The following EDRF1 variants were observed in gnomAD, a reference collection of about 807,000 sequenced individuals.
EDRF1 encodes the protein erythroid differentiation-related factor 1.
EDRF1 carries 69 observed loss-of-function variants against 148.7 expected under a neutral mutation model. The observed-to-expected ratio is 0.46, with a 90% CI of 0.38 to 0.57. The LOEUF (loss-of-function observed/expected upper bound fraction) is 0.57. Ranked by LOEUF, EDRF1 falls within the 20% of genes least tolerant of loss-of-function variation. EDRF1 has a pLI of 0.00. For synonymous variants in EDRF1, 515 were observed against 532.8 expected (o/e 0.97, Z 0.46); for missense variants, 1,118 against 1,478.7 (o/e 0.76, Z 4.00).
intron 24 of EDRF1, chr10:125,761,122 TAAAC>T (rs1489069225): frequency 1.1e-5 from 3 of 275,402 alleles, no homozygotes; most frequent in African/African-American, 6.9e-5. Context: ...GGCAAAAAAA[TAAAC>T]AAGGCTTAAT....
chr10:125,751,782 C>CA (rs1378724781), intron 22 of EDRF1: 4 of 152,202 alleles, frequency 2.6e-5, no homozygotes, highest in Non-Finnish European at 5.9e-5. Context: ...CTTACAGCCA[C>CA]AATTTCTTAA....
At chr10:125,728,965 G>C (rs773932224) in intron 6 of EDRF1, 38 bp from the exon 7 acceptor site, 1 of 1,475,436 alleles carries the variant, frequency 6.8e-7, no homozygotes, top group South Asian at 1.3e-5. Flanking sequence ...AAGAAATGTT[G>C]ACAGCAGAAT....
chr10:125,756,903 C>T lies in EDRF1; in HGVS notation c.3545+3058C>T, dbSNP rs1234487207. On this transcript the variant is annotated intron_variant, in intron 24 of 24. Transcript: ENST00000356792. ...TCATAGCTCACTGCAGCCCCAACTTCCTGGGCTCAAGCAATCCCCCACCTC... is the reference window on the plus strand; with the variant it reads ...TCATAGCTCACTGCAGCCCCAACTTTCTGGGCTCAAGCAATCCCCCACCTC... The T allele has an allele frequency of 9.8e-6, 4 of 408,656 alleles. 1 individual carries two copies. Among genetic ancestry groups the T allele is most frequent in the Admixed American group, 8.6e-5 (3 of 34,716 alleles). 25.3% of individuals were successfully genotyped at this position (408,656 alleles called of 1,614,324 possible).
At chr10:125,741,295 G>C in intron 17 of EDRF1, 94 bp downstream of exon 17, 1 of 1,128,146 alleles carries the variant, frequency 8.9e-7, no homozygotes, top group Non-Finnish European at 1.3e-6. Context: ...AGAAATATTA[G>C]AGTTTTGATA....
In EDRF1 at chr10:125,721,361, C is replaced by G; in HGVS notation, c.266C>G (p.Pro89Arg). 2 of 1,614,150 alleles carry G rather than the reference C, an allele frequency of 1.2e-6. No homozygotes were observed. Among genetic ancestry groups the G allele is most frequent in the Non-Finnish European group, 1.7e-6 (2 of 1,180,028 alleles). ...NWLRESAKLG[P>R]AGTTILGNSK... is the part of the protein sequence containing the mutation. The stretch of plus-strand genomic sequence containing the variant: ...TTACGAGAGAGTGCCAAACTAGGGC[C>G]AGCAGGAACTACCATTCTTGGCAAC... The change falls in exon 2 of 25, where the codon CCA (proline) becomes CGA (arginine). Residue 89 changes from proline to arginine, a missense_variant. By Grantham distance (103) the Pro-to-Arg change is moderately radical. This residue lies in a region of EDRF1 where 99 missense variants were observed against 186.9 expected (regional missense o/e 0.53). Transcript: ENST00000356792.
intron 12 of EDRF1, among the ~76,000 whole-genome samples, chr10:125,735,129 A>G (rs1215378104): frequency 6.6e-6 from 1 of 152,156 alleles, no homozygotes; most frequent in Non-Finnish European, 1.5e-5. Flanking sequence ...GAATGGGTTA[A>G]ATGGTCATAT....
intron 8 of EDRF1, 65 bp downstream of exon 8, chr10:125,729,544 T>C (rs2133685468): frequency 6.3e-7 from 1 of 1,597,166 alleles, no homozygotes; most frequent in South Asian, 1.1e-5. Flanking sequence ...GAATCAGTGT[T>C]CCATCAGACT....
At chr10:125,728,946 G>T in intron 6 of EDRF1, 57 bp from the exon 7 acceptor site, 2 of 1,377,916 alleles carry the variant, frequency 1.5e-6, no homozygotes. Flanking sequence ...TCAAAAGTGG[G>T]TCAATTTTAA....
At chr10:125,762,489 TAA>T (rs546420898) in intron 24 of EDRF1, among the ~76,000 whole-genome samples, 16 of 141,368 alleles carry the variant, frequency 1.1e-4, no homozygotes, top group Non-Finnish European at 1.7e-4. Flanking sequence ...TGGACTCATT[TAA>T]AAAAAAAAAA....
At chr10:125,748,307 G>T (rs564187233) in intron 21 of EDRF1, 8 of 451,508 alleles carry the variant, frequency 1.8e-5, no homozygotes, top group Non-Finnish European at 3.3e-5. Context: ...ACACGTAGCT[G>T]TTCATTTTCT....
rs1042872541 is a variant in EDRF1 at position 125,745,513 on chromosome 10, A to T, written c.2591-194A>T. The T allele has an allele frequency of 1.3e-5, 8 of 621,242 alleles. No homozygotes were observed. In the African/African-American group the frequency reaches 1.5e-4, roughly 11 times the overall value. The allele number at this position is 621,242 out of a possible 1,614,324, so 38.5% of individuals were successfully genotyped here. ...AGGAACTAGGGGTTAGGGCTTCAACATATGAACTCATATGGACACGTTTAC... is the reference window on the plus strand; with the variant it reads ...AGGAACTAGGGGTTAGGGCTTCAACTTATGAACTCATATGGACACGTTTAC... On this transcript the variant is annotated intron_variant, in intron 18 of 24. Coordinates refer to ENST00000356792, the MANE Select transcript of EDRF1 (RefSeq NM_001202438.2).
intron 18 of EDRF1, chr10:125,745,182 G>T: frequency 5.9e-6 from 1 of 170,414 alleles, no homozygotes; most frequent in Non-Finnish European, 1.3e-5. Flanking sequence ...AGTGAGCTGG[G>T]GCTGCTGTAA....
At chr10:125,741,364 C>G (rs561605483) in intron 17 of EDRF1, 163 bp downstream of exon 17, 2 of 772,046 alleles carry the variant, frequency 2.6e-6, no homozygotes, top group South Asian at 2.9e-5. Context: ...GTTGCCCAAG[C>G]TGGAGTGCAA....
intron 14 of EDRF1, 23 bp downstream of exon 14, chr10:125,738,012 CT>C (rs1848824510): frequency 6.2e-7 from 1 of 1,606,522 alleles, no homozygotes; most frequent in African/African-American, 1.3e-5. Flanking sequence ...TTAGTCTTCA[CT>C]TTTTTCGTAA....
intron 1 of EDRF1, among the ~76,000 whole-genome samples, chr10:125,720,154 A>T (rs1448002715): frequency 6.6e-6 from 1 of 152,242 alleles, no homozygotes; most frequent in East Asian, 1.9e-4. Context: ...ACATGTAAAT[A>T]TGTCGTTCCA....
At chr10:125,751,411 T>TTG (rs1554875828) in intron 22 of EDRF1, among the ~76,000 whole-genome samples, 22 of 151,188 alleles carry the variant, frequency 1.5e-4, no homozygotes, top group African/African-American at 5.4e-4. Flanking sequence ...AGTGTTTTTT[T>TTG]TTTTGTTTTT....
rs562572162 is a variant in EDRF1 at position 125,739,041 on chromosome 10, G to T, written c.1981+596G>T. 5.3e-5 allele frequency among the ~76,000 whole-genome samples: 8 copies of T among 151,866 alleles called. No homozygotes were observed. In the South Asian group the frequency reaches 1.7e-3, roughly 32 times the overall value. Reference sequence around the variant, plus strand: ...ATATATGGACTTCGAAGCAGAAGTTGTGAATTTCTTATTTTAACCTAAGTT... The same window carrying T: ...ATATATGGACTTCGAAGCAGAAGTTTTGAATTTCTTATTTTAACCTAAGTT... On this transcript the variant is annotated intron_variant, in intron 15 of 24. Transcript: ENST00000356792.
intron 2 of EDRF1, among the ~76,000 whole-genome samples, chr10:125,722,278 G>T (rs1161306456): frequency 3.9e-5 from 6 of 152,280 alleles, no homozygotes; most frequent in Non-Finnish European, 2.9e-5. Context: ...AAATGCTGTG[G>T]CAAGTATTTA....
intron 3 of EDRF1, 150 bp from the exon 4 acceptor site, chr10:125,723,661 T>C: frequency 1.3e-6 from 1 of 766,794 alleles, no homozygotes; most frequent in Non-Finnish European, 2.1e-6. Context: ...TCTGTGTGTT[T>C]GCATGTAGCT....
Sources: gnomAD v4.1 joint callset for allele counts (sites outside exome capture counted in the v4.1 genomes callset) on GRCh38, gnomAD v4.1.1 for gene constraint, gnomAD v4.1.1 regional missense constraint, MANE v1.5 for transcripts, NCBI Gene and HGNC (gene_info 2026-07-23, HGNC 2026-07-21) for gene names.